The following KIF21B variants were observed in gnomAD, a reference collection of about 807,000 sequenced individuals.
The protein encoded by KIF21B is kinesin family member 21B, also known as kinesin-like protein KIF21B.
KIF21B carries 85 observed loss-of-function variants against 192.9 expected under a neutral mutation model. That is an observed-to-expected ratio of 0.44 (90% CI 0.37 to 0.53). The LOEUF (loss-of-function observed/expected upper bound fraction) is 0.53, where lower values mean the gene tolerates loss of function less well. Among genes scored for constraint, KIF21B ranks in the 20% least tolerant of loss-of-function variants. The pLI is 0.00. For missense variants in KIF21B, 1,716 were observed against 2,194.8 expected, an observed-to-expected ratio of 0.78 and a Z score of 4.36; for synonymous variants, 832 against 884.6, an observed-to-expected ratio of 0.94 and a Z score of 1.05.
intron 5 of KIF21B, among the ~76,000 whole-genome samples, 153 bp downstream of exon 5, chr1:201,005,155 G>A (rs578255972): frequency 1.4e-4 from 21 of 152,366 alleles, no homozygotes; most frequent in African/African-American, 4.1e-4. Flanking sequence ...TTACAAATTG[G>A]GCAACAAGGC....
intron 31 of KIF21B, 83 bp downstream of exon 31, chr1:200,977,129 T>A: frequency 6.7e-7 from 1 of 1,487,880 alleles, no homozygotes; most frequent in Non-Finnish European, 9.2e-7. Context: ...CTACCCACCC[T>A]GGGGTGGGTC....
chr1:201,013,171 GC>G (rs1257064875), intron 1 of KIF21B, among the ~76,000 whole-genome samples: 4 of 152,166 alleles, frequency 2.6e-5, no homozygotes, highest in Non-Finnish European at 5.9e-5. Flanking sequence ...TCAAACTGAC[GC>G]CCCACAGGTA....
rs375035362 is a variant in KIF21B, at chr1:201,022,943, C to CT, written c.41+399dup. On this transcript the variant is annotated intron_variant, in intron 1 of 34. Transcript: ENST00000461742. ...GGACCAAGAGCACATAACTAGCTGA[C>CT]TCGCATGGATGAGGGGAAATTTCCC... Among the ~76,000 whole-genome samples, 143 of 152,348 alleles carry CT rather than the reference C, an allele frequency of 9.4e-4. 1 individual carries two copies. Among genetic ancestry groups the CT allele is most frequent in the African/African-American group, 3.3e-3 (138 of 41,584 alleles).
Position 200,975,898 on chromosome 1 carries a change from T to C in KIF21B, c.4444-229A>G. 6.6e-6 allele frequency among the ~76,000 whole-genome samples: 1 copy of C among 152,032 alleles called. No individual in the cohort carries two copies. Among genetic ancestry groups the C allele is most frequent in the South Asian group, 2.1e-4 (1 of 4,816 alleles). ...AGATCTTGACCCTTCCTGTGGATAC[T>C]GGGGCAGGGGTGGGAGGAGACCAAC... On this transcript the variant is annotated intron_variant, in intron 32 of 34. Coordinates refer to ENST00000461742, the MANE Select transcript of KIF21B (RefSeq NM_001252102.2). The surrounding 1 kb of genome is among the most constrained non-coding windows in gnomAD (Gnocchi z 4.3).
rs999634208 is a variant in KIF21B, at chr1:200,992,529, G to A, written c.2278-140C>T. ...ACACTGGCTCAGGGCCTGGGGGTCT[G>A]AAGTGAGGGGTTCTACCTCCCACTC... is the stretch of plus-strand genomic sequence containing the variant. On this transcript the variant is annotated intron_variant, in intron 15 of 34. Transcript: ENST00000461742. 4.6e-5 allele frequency: 39 copies of A among 843,022 alleles called. No homozygotes were observed. The Admixed American group carries it at 6.8e-4, about 15-fold the overall frequency. The allele number at this position is 843,022 out of a possible 1,614,324, so 52.2% of individuals were successfully genotyped here. A position where few individuals can be genotyped will look rare whatever the true frequency, so the allele number is the denominator to read the frequency against.
chr1:201,001,047 C>T (rs1364833363), intron 9 of KIF21B, among the ~76,000 whole-genome samples: 2 of 148,026 alleles, frequency 1.4e-5, no homozygotes, highest in South Asian at 2.1e-4. Flanking sequence ...GTGGAGGTTG[C>T]GGTGAGCCAA....
chr1:200,997,514 GA>G (rs1313590722), intron 14 of KIF21B, among the ~76,000 whole-genome samples: 22 of 152,244 alleles, frequency 1.4e-4, no homozygotes, highest in Non-Finnish European at 3.2e-4. Context: ...GGAGGCCAAG[GA>G]AGGCGGATCA....
intron 15 of KIF21B, 89 bp downstream of exon 15, chr1:200,996,107 C>T: frequency 7.7e-7 from 1 of 1,293,776 alleles, no homozygotes; most frequent in Non-Finnish European, 1.1e-6. Flanking sequence ...CCACACTTGA[C>T]AGCAATGATT....
chr1:201,002,382 C>T, intron 8 of KIF21B, 32 bp from the exon 9 acceptor site: 2 of 1,597,960 alleles, frequency 1.3e-6, no homozygotes, highest in South Asian at 2.2e-5. Flanking sequence ...AGCAGTCAGG[C>T]AGCAGAGCTC....
At chr1:201,007,543 G>A (rs1341969505) in intron 3 of KIF21B, among the ~76,000 whole-genome samples, 2 of 123,626 alleles carry the variant, frequency 1.6e-5, no homozygotes, top group South Asian at 5.2e-4. Flanking sequence ...CACACACACA[G>A]ACACCCACAC....
intron 29 of KIF21B, among the ~76,000 whole-genome samples, chr1:200,980,157 G>A (rs567021162): frequency 2.6e-5 from 4 of 152,336 alleles, no homozygotes; most frequent in Admixed American, 6.5e-5. Context: ...CCCTACTGCC[G>A]TGGAGAGCTA....
In KIF21B at chr1:201,009,508, C is replaced by T. The variant is rs1658113524; in HGVS notation, c.42-20G>A. On this transcript the variant is annotated intron_variant, in intron 1 of 34. Coordinates refer to ENST00000461742, the MANE Select transcript of KIF21B (RefSeq NM_001252102.2). ...CGGATCCTGCCCATGATGGAGAGAGCCCTGGGTCAGGCCCAGCTAGAAGGG... is the reference window on the plus strand; with the variant it reads ...CGGATCCTGCCCATGATGGAGAGAGTCCTGGGTCAGGCCCAGCTAGAAGGG... 1.2e-6 allele frequency: 2 copies of T among 1,608,106 alleles called. No homozygotes were observed. The highest frequency in any genetic ancestry group is 2.7e-5 in the African/African-American group (2 of 74,984).
chr1:201,006,590 A>G (rs1167644614), intron 3 of KIF21B, among the ~76,000 whole-genome samples: 2 of 152,116 alleles, frequency 1.3e-5, no homozygotes, highest in Admixed American at 1.3e-4. Flanking sequence ...GGCCTACAAT[A>G]TCTGTCTGTC....
chr1:200,982,961 G>C lies in KIF21B; in HGVS notation c.3842+95C>G. ...TGGAGGGGCCGCATGCTGAGGACAC[G>C]GGTGTCAGGCGGGAGGGATGCAGCA... is the stretch of plus-strand genomic sequence containing the variant. On this transcript the variant is annotated intron_variant, in intron 28 of 34. Transcript: ENST00000461742. The surrounding 1 kb of genome is among the most constrained non-coding windows in gnomAD (Gnocchi z 4.7). 8.9e-7 allele frequency: 1 copy of C among 1,126,382 alleles called. No individual in the cohort carries two copies. Among genetic ancestry groups the C allele is most frequent in the Non-Finnish European group, 1.3e-6 (1 of 774,744 alleles). The allele number at this position is 1,126,382 out of a possible 1,614,324, so 69.8% of individuals were successfully genotyped here.
At chr1:200,974,571 T>G (rs1571905382) in intron 34 of KIF21B, 143 bp downstream of exon 34, 2 of 813,454 alleles carry the variant, frequency 2.5e-6, no homozygotes, top group African/African-American at 1.7e-5. Flanking sequence ...ACAGGCTAGG[T>G]ATGCAAAGGA....
intron 28 of KIF21B, 49 bp from the exon 29 acceptor site, chr1:200,981,145 G>A (rs775151671): frequency 8.4e-6 from 13 of 1,554,816 alleles, no homozygotes; most frequent in Non-Finnish European, 9.5e-6. Context: ...CAGGGAGACT[G>A]TGGCCAGGCT....
rs187734841 is a variant in KIF21B, at chr1:200,975,371, C to T, written c.4614+128G>A. 165 of 779,252 alleles carry T rather than the reference C, an allele frequency of 2.1e-4. No individual in the cohort carries two copies. In the East Asian group the frequency reaches 4.2e-3, roughly 20 times the overall value. The allele number at this position is 779,252 out of a possible 1,614,324, so 48.3% of individuals were successfully genotyped here. A position where few individuals can be genotyped will look rare whatever the true frequency, so the allele number is the denominator to read the frequency against. On this transcript the variant is annotated intron_variant, in intron 33 of 34. Coordinates refer to ENST00000461742, the MANE Select transcript of KIF21B (RefSeq NM_001252102.2). This position sits in a 1 kb window ranked among gnomAD's most constrained non-coding sequence, Gnocchi z 4.3. ...AGGAGGAAGAGGGAGAACAGGAGGGCTTGGGGAGCTGTGAAAACCATCTGG... is the reference window on the plus strand; with the variant it reads ...AGGAGGAAGAGGGAGAACAGGAGGGTTTGGGGAGCTGTGAAAACCATCTGG...
At chr1:201,020,354 T>C (rs1658747800) in intron 1 of KIF21B, among the ~76,000 whole-genome samples, 1 of 152,176 alleles carries the variant, frequency 6.6e-6, no homozygotes, top group Non-Finnish European at 1.5e-5. Context: ...CTGGGGCAGG[T>C]CACAGCTCCG....
chr1:201,008,465 A>C (rs1658042876), intron 3 of KIF21B, among the ~76,000 whole-genome samples: 1 of 152,188 alleles, frequency 6.6e-6, no homozygotes, highest in African/African-American at 2.4e-5. Context: ...GATGAGGCTC[A>C]GTGTGGTAAA....
Sources: allele counts gnomAD v4.1 joint callset (sites outside exome capture counted in the v4.1 genomes callset), GRCh38; gene constraint gnomAD v4.1.1; non-coding constraint Gnocchi (gnomAD v3.1); transcripts MANE v1.5; gene names NCBI Gene and HGNC (gene_info 2026-07-23, HGNC 2026-07-21).